Variants in TMEM132D observed in about 807,000 individuals in gnomAD.
TMEM132D encodes the protein transmembrane protein 132D.
TMEM132D carries 21 observed loss-of-function variants against 62.3 expected under a neutral mutation model. That is an observed-to-expected ratio of 0.34 (90% CI 0.24 to 0.49). The LOEUF is 0.49. TMEM132D is among the 20% of genes least tolerant of loss of function. TMEM132D has a pLI of 0.99. For missense variants in TMEM132D, 1,346 were observed against 1,402.8 expected (o/e 0.96, Z 0.65); for synonymous variants, 621 against 575.6 (o/e 1.08, Z -1.13).
intron 2 of TMEM132D, among the ~76,000 whole-genome samples, chr12:129,627,688 T>C (rs1221142083): frequency 6.6e-6 from 1 of 152,036 alleles, no homozygotes; most frequent in Non-Finnish European, 1.5e-5. Flanking sequence ...AAAATAAAAT[T>C]TAAAAATAAT....
intron 1 of TMEM132D, chr12:129,854,704 C>T (rs946683775): frequency 5.3e-5 from 8 of 152,184 alleles, no homozygotes; most frequent in African/African-American, 1.9e-4. Context: ...CTCATCAGCT[C>T]CTCCTAAGTG....
chr12:129,840,621 G>T (rs867487517), intron 1 of TMEM132D: 11 of 152,082 alleles, frequency 7.2e-5, no homozygotes, highest in South Asian at 2.1e-4. Flanking sequence ...AGCCCAGGGC[G>T]GGGGCTGCGC....
chr12:129,323,679 A>G (rs970336304), intron 4 of TMEM132D, among the ~76,000 whole-genome samples: 24 of 152,228 alleles, frequency 1.6e-4, no homozygotes, highest in African/African-American at 4.8e-4. Flanking sequence ...TCAATGTTGC[A>G]TATCACCAAC....
At chr12:129,540,998 T>G (rs1048848444) in intron 2 of TMEM132D, among the ~76,000 whole-genome samples, 5 of 152,172 alleles carry the variant, frequency 3.3e-5, no homozygotes, top group African/African-American at 1.2e-4. Context: ...GATATGCAGG[T>G]GAGAAGAAAC....
chr12:129,604,174 G>C (rs1192007659), intron 2 of TMEM132D, among the ~76,000 whole-genome samples: 1 of 152,064 alleles, frequency 6.6e-6, no homozygotes, highest in East Asian at 1.9e-4. Flanking sequence ...CGAGGGGTTG[G>C]GGGTAAGGGG....
At chr12:129,814,122 T>C (rs1004964824) in intron 1 of TMEM132D, among the ~76,000 whole-genome samples, 16 of 152,098 alleles carry the variant, frequency 1.1e-4, no homozygotes, top group African/African-American at 3.9e-4. Context: ...AAACACTGCA[T>C]GTTCTCGCTC....
intron 5 of TMEM132D, among the ~76,000 whole-genome samples, chr12:129,154,275 A>G (rs1275420094): frequency 6.6e-6 from 1 of 152,210 alleles, no homozygotes; most frequent in Non-Finnish European, 1.5e-5. Flanking sequence ...AGCAGACACA[A>G]GAGGGCTGTG....
chr12:129,813,233 G>T (rs999510558), intron 1 of TMEM132D, among the ~76,000 whole-genome samples: 19 of 151,798 alleles, frequency 1.3e-4, no homozygotes, highest in African/African-American at 4.3e-4. Flanking sequence ...TCATCTTGTT[G>T]GTGGACGTTG....
At chr12:129,076,365 C>A (rs1296149392) in intron 8 of TMEM132D, among the ~76,000 whole-genome samples, 1 of 152,190 alleles carries the variant, frequency 6.6e-6, no homozygotes, top group African/African-American at 2.4e-5. Context: ...CTATAATCCT[C>A]ATAACACATC....
At chr12:129,137,039 C>T (rs1297800837) in intron 5 of TMEM132D, among the ~76,000 whole-genome samples, 1 of 144,340 alleles carries the variant, frequency 6.9e-6, no homozygotes, top group Non-Finnish European at 1.5e-5. Context: ...CCATCAACAC[C>T]ATCATCCCAT....
intron 3 of TMEM132D, among the ~76,000 whole-genome samples, chr12:129,474,577 G>A (rs1874204829): frequency 6.6e-6 from 1 of 152,194 alleles, no homozygotes; most frequent in African/African-American, 2.4e-5. Flanking sequence ...CTGACTGTCA[G>A]AAGTTGACAA....
intron 4 of TMEM132D, among the ~76,000 whole-genome samples, chr12:129,213,351 T>A (rs1004050659): frequency 2.0e-5 from 3 of 150,814 alleles, no homozygotes; most frequent in African/African-American, 7.5e-5. Context: ...AAAAAGTTTA[T>A]CCAGGTGTGA....
intron 2 of TMEM132D, among the ~76,000 whole-genome samples, chr12:129,568,335 C>T (rs1877422334): frequency 6.6e-6 from 1 of 152,186 alleles, no homozygotes. Flanking sequence ...TCCTGTCACC[C>T]CCTGGTCCAT....
chr12:129,355,866 C>T lies in TMEM132D; in HGVS notation c.1116-18049G>A, dbSNP rs552612627. Among the ~76,000 whole-genome samples, 182 of 152,300 alleles carry T rather than the reference C, an allele frequency of 1.2e-3. 2 individuals are homozygous for T. The highest frequency in any genetic ancestry group is 3.4e-3 in the Middle Eastern group (1 of 294). On this transcript the variant is annotated intron_variant, in intron 3 of 8. Transcript: ENST00000422113. ...TGAGAGTTCCTGGCCCTTGGAGGGG[C>T]CCTCACGCAGAGTCCGATGCTGGAG...
chr12:129,493,794 T>A (rs1378989966), intron 3 of TMEM132D, among the ~76,000 whole-genome samples: 1 of 152,196 alleles, frequency 6.6e-6, no homozygotes, highest in Non-Finnish European at 1.5e-5. Flanking sequence ...CAGGCTGCCT[T>A]CAGAGCATGA....
At chr12:129,529,096 T>C (rs138542078) in intron 3 of TMEM132D, among the ~76,000 whole-genome samples, 1 of 152,294 alleles carries the variant, frequency 6.6e-6, no homozygotes, top group Admixed American at 6.5e-5. Flanking sequence ...GTGTATAACC[T>C]TTTTCCATCA....
At chr12:129,293,873 C>G (rs762876952) in intron 4 of TMEM132D, among the ~76,000 whole-genome samples, 4 of 152,154 alleles carry the variant, frequency 2.6e-5, no homozygotes, top group Non-Finnish European at 2.9e-5. Context: ...GGTTCCTAAC[C>G]AGCCACGGAC....
At chr12:129,125,059 A>AG (rs1156615094) in intron 5 of TMEM132D, among the ~76,000 whole-genome samples, 2 of 152,160 alleles carry the variant, frequency 1.3e-5, no homozygotes, top group African/African-American at 4.8e-5. Flanking sequence ...GCAAGGCTGG[A>AG]GGGGGGATGT....
At chr12:129,209,906 G>A (rs972965388) in intron 4 of TMEM132D, 12 of 522,620 alleles carry the variant, frequency 2.3e-5, no homozygotes, top group South Asian at 5.4e-5. Context: ...AAAAGGTGGC[G>A]GAGGAAATTT....
Sources: allele counts gnomAD v4.1 joint callset (sites outside exome capture counted in the v4.1 genomes callset), GRCh38; gene constraint gnomAD v4.1.1; transcripts MANE v1.5; gene names NCBI Gene and HGNC (gene_info 2026-07-23, HGNC 2026-07-21).